DHRSX: variants seen among roughly 807,000 people sequenced by gnomAD.
The protein encoded by DHRSX is polyprenol dehydrogenase.
A neutral mutation model predicts 34.0 loss-of-function variants in DHRSX; 31 were observed. The ratio of observed to expected loss-of-function variants is 0.91; its 90% CI spans 0.69 to 1.23. The LOEUF is 1.23. DHRSX is among the 50% of genes most tolerant of loss of function. The probability of loss-of-function intolerance (pLI) is 0.00; values close to 1 mark genes in which losing one functional copy is unlikely to be tolerated. For missense variants in DHRSX, 414 were observed against 428.1 expected (o/e 0.97, Z 0.29); for synonymous variants, 201 against 183.8 (o/e 1.09, Z -0.76).
intron 3 of DHRSX, among the ~76,000 whole-genome samples, chrX:2,300,683 C>T (rs2041998970): frequency 6.6e-6 from 1 of 152,186 alleles, no homozygotes; most frequent in Non-Finnish European, 1.5e-5. Flanking sequence ...CTTTAGCACT[C>T]GGGCTGGCTT....
intron 3 of DHRSX, among the ~76,000 whole-genome samples, chrX:2,330,089 G>A (rs1257407603): frequency 2.0e-4 from 2 of 9,978 alleles, no homozygotes; most frequent in African/African-American, 1.8e-4. Context: ...GGGGGGGGGG[G>A]GGGGGAGGGA....
intron 6 of DHRSX, among the ~76,000 whole-genome samples, chrX:2,225,403 C>T (rs1332213150): frequency 6.6e-6 from 1 of 152,170 alleles, no homozygotes; most frequent in Non-Finnish European, 1.5e-5. Flanking sequence ...TGCTCATCCA[C>T]GTGTACATTC....
intron 1 of DHRSX, among the ~76,000 whole-genome samples, chrX:2,430,059 G>A (rs1004906876): frequency 6.6e-6 from 1 of 151,798 alleles, no homozygotes; most frequent in East Asian, 1.9e-4. Flanking sequence ...CTTGGTCATC[G>A]AGAGTGTGCA....
intron 1 of DHRSX, among the ~76,000 whole-genome samples, chrX:2,432,863 C>A (rs2043944574): frequency 6.6e-6 from 1 of 152,150 alleles, no homozygotes; most frequent in Non-Finnish European, 1.5e-5. Flanking sequence ...GTGGCTCATG[C>A]CTGTAATCCC....
intron 3 of DHRSX, among the ~76,000 whole-genome samples, chrX:2,405,961 AT>A (rs201787917): frequency 0.052 from 7,902 of 151,772 alleles, 251 homozygotes; most frequent in Middle Eastern, 0.12. Context: ...AGCACTTAGC[AT>A]TTGGATGGCC....
At chrX:2,246,108 G>T (rs772439844) in intron 5 of DHRSX, among the ~76,000 whole-genome samples, 6 of 151,864 alleles carry the variant, frequency 4.0e-5, no homozygotes, top group Non-Finnish European at 8.8e-5. Flanking sequence ...AATTAACTGA[G>T]ACCTGTCTCA....
At chrX:2,476,421 AG>A (rs1042485293) in intron 1 of DHRSX, among the ~76,000 whole-genome samples, 6 of 152,040 alleles carry the variant, frequency 3.9e-5, no homozygotes, top group African/African-American at 1.4e-4. Flanking sequence ...AAGAAAGAAA[AG>A]AAAAGAAAAC....
chrX:2,450,731 A>T (rs908648476), intron 1 of DHRSX, among the ~76,000 whole-genome samples: 3 of 133,946 alleles, frequency 2.2e-5, no homozygotes, highest in African/African-American at 3.2e-5. Context: ...TTATCAAATT[A>T]AAAAAAAAAA....
chrX:2,370,717 C>T (rs1487900770), intron 3 of DHRSX, among the ~76,000 whole-genome samples: 29 of 152,042 alleles, frequency 1.9e-4, no homozygotes, highest in Non-Finnish European at 3.5e-4. Flanking sequence ...GACTGAATTC[C>T]TCGTCTTCCT....
At chrX:2,344,888 TATA>T (rs2124565999) in intron 3 of DHRSX, among the ~76,000 whole-genome samples, 1 of 122,140 alleles carries the variant, frequency 8.2e-6, no homozygotes, top group African/African-American at 3.4e-5. Flanking sequence ...TATATATATA[TATA>T]TATATATATA....
In DHRSX at chrX:2,221,062, C is replaced by T; in HGVS notation, c.972G>A (p.Gly324=). The change falls in exon 7 of 7, where the codon GGG becomes GGA. Residue 324 remains glycine, a synonymous_variant. Coordinates refer to ENST00000334651, the MANE Select transcript of DHRSX (RefSeq NM_145177.3). ...GATATCACAGGGTCACATCAAGGAC[C>T]CCAGTCATCTCACAACTCTTAGACC... ...QLWSKSCEMT[G]VLDVTL 1 of 1,613,858 alleles carries T rather than the reference C, an allele frequency of 6.2e-7. No individual in the cohort carries two copies. Among genetic ancestry groups the T allele is most frequent in the South Asian group, 1.1e-5 (1 of 91,064 alleles).
intron 3 of DHRSX, among the ~76,000 whole-genome samples, chrX:2,317,995 G>A (rs1415954675): frequency 3.3e-5 from 5 of 152,030 alleles, no homozygotes; most frequent in Middle Eastern, 3.2e-3. Flanking sequence ...ATTTGTGAGA[G>A]CATCTCCGCT....
chrX:2,271,076 T>C (rs907820814), intron 4 of DHRSX, among the ~76,000 whole-genome samples: 1 of 152,210 alleles, frequency 6.6e-6, no homozygotes, highest in Non-Finnish European at 1.5e-5. Flanking sequence ...GTTGTTTCAC[T>C]CTTCACCATA....
chrX:2,271,030 G>T (rs2041546313), intron 4 of DHRSX, among the ~76,000 whole-genome samples: 1 of 152,176 alleles, frequency 6.6e-6, no homozygotes, highest in Admixed American at 6.5e-5. Flanking sequence ...GGCCACCTGA[G>T]CCAGCTTGTG....
intron 1 of DHRSX, among the ~76,000 whole-genome samples, chrX:2,463,578 G>T (rs1603126243): frequency 6.6e-6 from 1 of 152,320 alleles, no homozygotes; most frequent in African/African-American, 2.4e-5. Context: ...AGAAAGCAAA[G>T]GAAGCCTTGG....
chrX:2,362,758 G>GC (rs1456377066), intron 3 of DHRSX, among the ~76,000 whole-genome samples: 3 of 148,516 alleles, frequency 2.0e-5, no homozygotes, highest in Non-Finnish European at 3.0e-5. Flanking sequence ...ATGGTATCAT[G>GC]CCGCCATTTT....
intron 6 of DHRSX, among the ~76,000 whole-genome samples, chrX:2,232,041 TTCTC>T (rs1037463019): frequency 4.7e-5 from 2 of 42,920 alleles, no homozygotes; most frequent in South Asian, 8.9e-4. Context: ...CTCCTCCTTT[TTCTC>T]TTTCTATCCC....
At chrX:2,267,039 G>T (rs2041484796) in intron 4 of DHRSX, 92 bp from the exon 5 acceptor site, 8 of 1,310,944 alleles carry the variant, frequency 6.1e-6, no homozygotes, top group African/African-American at 1.4e-5. Flanking sequence ...AATGGCCCAG[G>T]ACATCGGAGG....
intron 5 of DHRSX, among the ~76,000 whole-genome samples, chrX:2,264,634 C>A (rs758666583): frequency 6.6e-6 from 1 of 151,130 alleles, no homozygotes; most frequent in African/African-American, 2.4e-5. Flanking sequence ...ATGCAGGGAG[C>A]ATCGTGCCCA....
Sources: allele counts gnomAD v4.1 joint callset (sites outside exome capture counted in the v4.1 genomes callset), GRCh38; gene constraint gnomAD v4.1.1; transcripts MANE v1.5; gene names NCBI Gene and HGNC (gene_info 2026-07-23, HGNC 2026-07-21).